The following CCDC91 variants were observed in gnomAD, a reference collection of about 807,000 sequenced individuals.
The protein encoded by CCDC91 is coiled-coil domain-containing protein 91.
Under a neutral mutation model 63.2 loss-of-function variants are expected in CCDC91, and 48 were observed. The observed-to-expected ratio is 0.76, with a 90% CI of 0.60 to 0.97. CCDC91 has a LOEUF of 0.97. Among genes scored for constraint, CCDC91 ranks in the 50% least tolerant of loss-of-function variants. The probability of loss-of-function intolerance (pLI) is 0.00; values close to 1 mark genes in which losing one functional copy is unlikely to be tolerated. For synonymous variants in CCDC91, 167 were observed against 165.8 expected, an observed-to-expected ratio of 1.01 and a Z score of -0.06; for missense variants, 500 against 494.6, an observed-to-expected ratio of 1.01 and a Z score of -0.10.
intron 12 of CCDC91, among the ~76,000 whole-genome samples, chr12:28,525,777 G>A (rs1941205500): frequency 1.3e-5 from 2 of 151,786 alleles, no homozygotes; most frequent in African/African-American, 4.8e-5. Context: ...ATAAATTTGG[G>A]ATCTCCCAAA....
chr12:28,247,738 C>T (rs1025138787), intron 1 of CCDC91, among the ~76,000 whole-genome samples: 8 of 152,232 alleles, frequency 5.3e-5, no homozygotes, highest in African/African-American at 1.2e-4. Context: ...TCTGGGACAG[C>T]GGTCCCGAAC....
intron 6 of CCDC91, among the ~76,000 whole-genome samples, chr12:28,333,319 C>G (rs781422632): frequency 1.3e-4 from 20 of 150,094 alleles, no homozygotes; most frequent in African/African-American, 3.7e-4. Context: ...GGCGTGAACC[C>G]AGGAGGTGGA....
intron 12 of CCDC91, among the ~76,000 whole-genome samples, chr12:28,511,376 A>G (rs1939359334): frequency 6.6e-6 from 1 of 152,040 alleles, no homozygotes; most frequent in East Asian, 1.9e-4. Flanking sequence ...AAAGCCATTT[A>G]TGGCCAATTT....
At chr12:28,383,753 ATAT>A (rs1355968999) in intron 7 of CCDC91, among the ~76,000 whole-genome samples, 1 of 152,118 alleles carries the variant, frequency 6.6e-6, no homozygotes, top group Non-Finnish European at 1.5e-5. Context: ...GATTTTACTC[ATAT>A]TATTTCTTTT....
At chr12:28,401,277 T>C (rs1259426397) in intron 8 of CCDC91, among the ~76,000 whole-genome samples, 2 of 151,916 alleles carry the variant, frequency 1.3e-5, no homozygotes, top group Non-Finnish European at 2.9e-5. Flanking sequence ...AACAAACATG[T>C]CCTTCCTCAC....
At chr12:28,429,801 GACTT>G (rs1948531087) in intron 8 of CCDC91, among the ~76,000 whole-genome samples, 1 of 151,798 alleles carries the variant, frequency 6.6e-6, no homozygotes, top group South Asian at 2.1e-4. Flanking sequence ...AATTTTGACA[GACTT>G]ACACAATTTT....
chr12:28,349,033 T>TTCAA (rs1943008812), intron 6 of CCDC91, among the ~76,000 whole-genome samples: 1 of 152,208 alleles, frequency 6.6e-6, no homozygotes, highest in Non-Finnish European at 1.5e-5. Context: ...AATCTTATTT[T>TTCAA]TCAATTGATA....
intron 8 of CCDC91, among the ~76,000 whole-genome samples, chr12:28,429,253 G>A (rs534214647): frequency 9.9e-5 from 15 of 152,190 alleles, no homozygotes; most frequent in African/African-American, 3.1e-4. Flanking sequence ...TCATGATTCA[G>A]AAAAAGACAG....
chr12:28,248,277 T>C (rs1046652732), intron 1 of CCDC91, among the ~76,000 whole-genome samples: 1 of 152,166 alleles, frequency 6.6e-6, no homozygotes, highest in Admixed American at 6.5e-5. Context: ...TTTGGTTGTA[T>C]TGCATTTGAG....
intron 6 of CCDC91, among the ~76,000 whole-genome samples, chr12:28,343,448 A>G (rs1408511310): frequency 6.6e-6 from 1 of 152,044 alleles, no homozygotes; most frequent in Non-Finnish European, 1.5e-5. Context: ...ACTTTTCCTT[A>G]CCAACTCAAG....
In CCDC91 at chr12:28,275,015, C is replaced by T. The variant is rs542796983; in HGVS notation, c.109+15573C>T. ...AGCACTAAATGCCCACGAGAGAAAG[C>T]AGGAAAGATCTAAAATTGACACCCT... On this transcript the variant is annotated intron_variant, in intron 3 of 12. Transcript: ENST00000536442. Among the ~76,000 whole-genome samples the T allele has an allele frequency of 1.0e-3, 155 of 151,998 alleles. 1 individual carries two copies. Among genetic ancestry groups the T allele is most frequent in the African/African-American group, 3.4e-3 (140 of 41,472 alleles).
chr12:28,400,729 AT>A (rs1264874911), intron 8 of CCDC91, among the ~76,000 whole-genome samples: 2 of 152,130 alleles, frequency 1.3e-5, no homozygotes, highest in Non-Finnish European at 2.9e-5. Flanking sequence ...TCCACTAGAT[AT>A]GCTAAATCAT....
At chr12:28,285,325 A>AT (rs1948847627) in intron 3 of CCDC91, among the ~76,000 whole-genome samples, 1 of 152,086 alleles carries the variant, frequency 6.6e-6, no homozygotes, top group African/African-American at 2.4e-5. Context: ...CACTAATCTC[A>AT]TTTTATCACT....
chr12:28,530,645 A>T (rs1441802369), intron 12 of CCDC91, among the ~76,000 whole-genome samples: 1 of 152,164 alleles, frequency 6.6e-6, no homozygotes, highest in Non-Finnish European at 1.5e-5. Flanking sequence ...TCTTTTTAAG[A>T]GATAATTTTA....
intron 6 of CCDC91, among the ~76,000 whole-genome samples, chr12:28,361,066 A>G (rs1943844992): frequency 1.3e-5 from 2 of 151,394 alleles, no homozygotes; most frequent in Non-Finnish European, 2.9e-5. Context: ...ATATCTTTTC[A>G]TTTTTAGAAA....
chr12:28,269,336 C>A (rs1314428583), intron 3 of CCDC91, among the ~76,000 whole-genome samples: 2 of 151,942 alleles, frequency 1.3e-5, no homozygotes, highest in Non-Finnish European at 2.9e-5. Flanking sequence ...ATCTTCCAAC[C>A]CCTTTTTGTG....
chr12:28,209,396 A>C (rs1943076099), intron 1 of CCDC91, among the ~76,000 whole-genome samples: 1 of 152,232 alleles, frequency 6.6e-6, no homozygotes, highest in African/African-American at 2.4e-5. Flanking sequence ...CAATGTGTTC[A>C]CACACAGAAT....
intron 1 of CCDC91, among the ~76,000 whole-genome samples, chr12:28,242,896 C>G (rs1470949353): frequency 6.6e-6 from 1 of 152,074 alleles, no homozygotes; most frequent in South Asian, 2.1e-4. Context: ...CGCCTGCCCC[C>G]CTCTTGCTCC....
chr12:28,290,823 T>TAC (rs397740796), intron 3 of CCDC91, among the ~76,000 whole-genome samples: 1 of 151,732 alleles, frequency 6.6e-6, no homozygotes, highest in Non-Finnish European at 1.5e-5. Context: ...ACCCAACTCA[T>TAC]GTTTTTTAAA....
Sources: allele counts gnomAD v4.1 joint callset (sites outside exome capture counted in the v4.1 genomes callset), GRCh38; gene constraint gnomAD v4.1.1; transcripts MANE v1.5; gene names NCBI Gene and HGNC (gene_info 2026-07-23, HGNC 2026-07-21).